The following CNTN5 variants were observed in gnomAD, a reference collection of about 807,000 sequenced individuals.
CNTN5 encodes the protein contactin 5.
Under a neutral mutation model 129.1 loss-of-function variants are expected in CNTN5, and 77 were observed. The ratio of observed to expected loss-of-function variants is 0.60; its 90% confidence interval spans 0.50 to 0.72. The LOEUF (loss-of-function observed/expected upper bound fraction) is 0.72, where lower values mean the gene tolerates loss of function less well. Ranked by LOEUF, CNTN5 falls within the 30% of genes least tolerant of loss-of-function variation. The probability of loss-of-function intolerance (pLI) is 0.00; values close to 1 mark genes in which losing one functional copy is unlikely to be tolerated. For synonymous variants in CNTN5, 509 were observed against 465.6 expected (o/e 1.09, Z -1.20); for missense variants, 1,478 against 1,328.8 (o/e 1.11, Z -1.75).
intron 2 of CNTN5, among the ~76,000 whole-genome samples, chr11:99,454,150 A>C (rs1212470147): frequency 6.6e-6 from 1 of 152,306 alleles, no homozygotes; most frequent in East Asian, 1.9e-4. Flanking sequence ...AGCATAATGA[A>C]CAGAAAAAAT....
chr11:99,858,700 T>TA (rs1948117047), intron 6 of CNTN5, among the ~76,000 whole-genome samples: 1 of 148,342 alleles, frequency 6.7e-6, no homozygotes, highest in African/African-American at 2.5e-5. Flanking sequence ...TAAGATGTTA[T>TA]AAAAATATTT....
intron 3 of CNTN5, among the ~76,000 whole-genome samples, chr11:99,725,558 C>T (rs1412635615): frequency 1.3e-5 from 2 of 151,672 alleles, no homozygotes; most frequent in Non-Finnish European, 2.9e-5. Flanking sequence ...GCCTTTGTAA[C>T]GTTTTCTTCT....
chr11:99,112,891 T>TA (rs35398247), intron 1 of CNTN5, among the ~76,000 whole-genome samples: 55 of 151,886 alleles, frequency 3.6e-4, no homozygotes, highest in Admixed American at 2.2e-3. Flanking sequence ...CCCCTTTTTT[T>TA]AAAAAAAATT....
intron 3 of CNTN5, among the ~76,000 whole-genome samples, chr11:99,686,136 T>C (rs1953781205): frequency 1.3e-5 from 2 of 152,070 alleles, no homozygotes; most frequent in South Asian, 4.1e-4. Context: ...TATTTTATTA[T>C]GTATATATCT....
At chr11:99,882,861 TC>T (rs1225674113) in intron 6 of CNTN5, among the ~76,000 whole-genome samples, 6 of 152,096 alleles carry the variant, frequency 3.9e-5, no homozygotes, top group Non-Finnish European at 8.8e-5. Context: ...TCCTCTTTAT[TC>T]CCCCCACCTC....
chr11:99,852,847 T>C (rs1264921588), intron 6 of CNTN5, among the ~76,000 whole-genome samples: 1 of 152,218 alleles, frequency 6.6e-6, no homozygotes, highest in Non-Finnish European at 1.5e-5. Context: ...ACTTAATTAA[T>C]TGTCCTTAAT....
chr11:99,156,038 CAAT>C, intron 1 of CNTN5, among the ~76,000 whole-genome samples: 1 of 151,870 alleles, frequency 6.6e-6, no homozygotes, highest in Non-Finnish European at 1.5e-5. Context: ...AAAAAGTTCT[CAAT>C]AACCAAAAAA....
At chr11:99,661,345 C>T (rs1952585573) in intron 3 of CNTN5, among the ~76,000 whole-genome samples, 1 of 152,068 alleles carries the variant, frequency 6.6e-6, no homozygotes, top group African/African-American at 2.4e-5. Flanking sequence ...AAGAACTTAG[C>T]GAAGTGTCTT....
intron 13 of CNTN5, among the ~76,000 whole-genome samples, chr11:100,177,968 T>G (rs957197474): frequency 1.9e-4 from 29 of 152,126 alleles, no homozygotes; most frequent in Non-Finnish European, 3.4e-4. Context: ...CCTGCCAGGG[T>G]TCTCATTTCA....
intron 3 of CNTN5, among the ~76,000 whole-genome samples, chr11:99,781,659 A>C (rs1591162602): frequency 6.6e-6 from 1 of 152,080 alleles, no homozygotes; most frequent in African/African-American, 2.4e-5. Context: ...CTCAATGAAC[A>C]ATTATGGGTT....
intron 3 of CNTN5, among the ~76,000 whole-genome samples, chr11:99,782,533 C>G (rs1945349764): frequency 2.7e-5 from 4 of 150,844 alleles, no homozygotes; most frequent in African/African-American, 9.8e-5. Flanking sequence ...AATCCTAAGC[C>G]AAAAGAACAA....
At position 100,343,827 on chromosome 11, in the gene CNTN5, C is replaced by T. The variant is rs992819068; in HGVS notation, c.3030+2622C>T. On this transcript the variant is annotated intron_variant, in intron 23 of 24. Coordinates refer to ENST00000524871, the MANE Select transcript of CNTN5 (RefSeq NM_014361.4). ...GATTCCTACTACATCCCAAAAATTA[C>T]TGCCAACCAAGAGTGGCACCACTAT... is the stretch of plus-strand genomic sequence containing the variant. Among the ~76,000 whole-genome samples the T allele has an allele frequency of 2.1e-4, 32 of 152,052 alleles. 1 individual carries two copies. Among genetic ancestry groups the T allele is most frequent in the Non-Finnish European group, 4.7e-4 (32 of 68,022 alleles).
At chr11:100,235,501 C>T (rs1949593025) in intron 16 of CNTN5, among the ~76,000 whole-genome samples, 1 of 152,184 alleles carries the variant, frequency 6.6e-6, no homozygotes, top group African/African-American at 2.4e-5. Flanking sequence ...GTTCTTCCTC[C>T]CCTCCCTTTT....
intron 2 of CNTN5, among the ~76,000 whole-genome samples, chr11:99,533,870 G>A (rs1947804741): frequency 6.6e-6 from 1 of 152,220 alleles, no homozygotes; most frequent in African/African-American, 2.4e-5. Context: ...GGCAGCTGGG[G>A]ATGTGGGAAA....
At chr11:100,008,816 C>T (rs532351414) in intron 9 of CNTN5, among the ~76,000 whole-genome samples, 25 of 152,062 alleles carry the variant, frequency 1.6e-4, no homozygotes, top group East Asian at 5.8e-4. Flanking sequence ...AATGAATCTT[C>T]GATAAGCCAA....
intron 1 of CNTN5, among the ~76,000 whole-genome samples, chr11:99,103,301 C>G (rs1322324537): frequency 2.0e-5 from 3 of 152,112 alleles, no homozygotes; most frequent in Non-Finnish European, 4.4e-5. Flanking sequence ...ATTATGTTTT[C>G]TTTGTATAAT....
intron 9 of CNTN5, among the ~76,000 whole-genome samples, chr11:100,056,029 T>C (rs1236303097): frequency 6.6e-6 from 1 of 151,654 alleles, no homozygotes; most frequent in Non-Finnish European, 1.5e-5. Flanking sequence ...TCTATCACTT[T>C]TGGAAATATT....
chr11:99,925,563 A>T (rs1950041910), intron 7 of CNTN5, among the ~76,000 whole-genome samples: 1 of 152,098 alleles, frequency 6.6e-6, no homozygotes, highest in Non-Finnish European at 1.5e-5. Context: ...AATCTAAGCA[A>T]CCCCTCATTC....
At chr11:99,489,074 A>G in intron 2 of CNTN5, among the ~76,000 whole-genome samples, 1 of 152,214 alleles carries the variant, frequency 6.6e-6, no homozygotes, top group East Asian at 1.9e-4. Context: ...TCTAAAAAAT[A>G]AATACCCTTG....
Sources: gnomAD v4.1 joint callset for allele counts (sites outside exome capture counted in the v4.1 genomes callset) on GRCh38, gnomAD v4.1.1 for gene constraint, MANE v1.5 for transcripts, NCBI Gene and HGNC (gene_info 2026-07-23, HGNC 2026-07-21) for gene names.